SLCO1A2: variants seen among roughly 807,000 people sequenced by gnomAD.
SLCO1A2 encodes OATP-1.
In SLCO1A2, 67 loss-of-function variants were observed where a neutral mutation model predicts 69.0. The observed-to-expected ratio is 0.97, with a 90% CI of 0.80 to 1.19. The LOEUF (loss-of-function observed/expected upper bound fraction) is 1.19. Among genes scored for constraint, SLCO1A2 ranks in the 50% most tolerant of loss-of-function variants. The pLI is 0.00. For missense variants in SLCO1A2, 787 were observed against 793.7 expected, an observed-to-expected ratio of 0.99 and a Z score of 0.10; for synonymous variants, 260 against 265.9, an observed-to-expected ratio of 0.98 and a Z score of 0.22.
chr12:21,298,635 T>C (rs1948118639), intron 8 of SLCO1A2, among the ~76,000 whole-genome samples: 1 of 152,152 alleles, frequency 6.6e-6, no homozygotes, highest in African/African-American at 2.4e-5. Context: ...GAGAGAGTTA[T>C]CTGAAGATTT....
At chr12:21,333,586 C>T (rs150814055) in intron 2 of SLCO1A2, among the ~76,000 whole-genome samples, 73 of 152,188 alleles carry the variant, frequency 4.8e-4, no homozygotes, top group Middle Eastern at 3.4e-3. Flanking sequence ...TTAACATCCA[C>T]ATTAATATCT....
chr12:21,289,633 A>C (rs1200114335), intron 12 of SLCO1A2, among the ~76,000 whole-genome samples: 1 of 152,118 alleles, frequency 6.6e-6, no homozygotes, highest in Non-Finnish European at 1.5e-5. Flanking sequence ...GTCTTTTATA[A>C]TAACCTTCAT....
intron 2 of SLCO1A2, among the ~76,000 whole-genome samples, chr12:21,347,637 C>A (rs1293181205): frequency 2.7e-5 from 2 of 73,122 alleles, no homozygotes; most frequent in Admixed American, 1.6e-4. Context: ...AGAGCAATTC[C>A]AACTCTGGAA....
chr12:21,289,363 C>T (rs970678377), intron 12 of SLCO1A2, among the ~76,000 whole-genome samples: 2 of 152,032 alleles, frequency 1.3e-5, no homozygotes, highest in Non-Finnish European at 2.9e-5. Context: ...TTGATCACAC[C>T]TGAGTCTATA....
chr12:21,284,740 C>T (rs1945441529), intron 12 of SLCO1A2, among the ~76,000 whole-genome samples: 1 of 120,960 alleles, frequency 8.3e-6, no homozygotes, highest in Non-Finnish European at 1.7e-5. Context: ...ACTGAACAAC[C>T]TGCTCCTGAA....
At chr12:21,299,405 T>A (rs2136405358) in intron 8 of SLCO1A2, among the ~76,000 whole-genome samples, 1 of 152,196 alleles carries the variant, frequency 6.6e-6, no homozygotes, top group African/African-American at 2.4e-5. Flanking sequence ...ACCCTTTCAT[T>A]TGCTGGAAAA....
intron 12 of SLCO1A2, among the ~76,000 whole-genome samples, chr12:21,284,719 A>G (rs1465617150): frequency 1.6e-5 from 2 of 128,868 alleles, no homozygotes; most frequent in African/African-American, 3.2e-5. Context: ...AAACCGCTCA[A>G]CTACATGGAA....
At chr12:21,393,498 T>C (rs1047977769) in intron 1 of SLCO1A2, among the ~76,000 whole-genome samples, 1 of 152,226 alleles carries the variant, frequency 6.6e-6, no homozygotes, top group Admixed American at 6.5e-5. Context: ...TCTGTTGCTC[T>C]GTCAAGATTT....
intron 1 of SLCO1A2, among the ~76,000 whole-genome samples, chr12:21,410,055 C>T (rs916503973): frequency 6.6e-6 from 1 of 152,054 alleles, no homozygotes; most frequent in African/African-American, 2.4e-5. Context: ...CCTTGGATCA[C>T]CCCCTTGTTC....
chr12:21,395,100 C>T, exon 1 of SLCO1A2: 1 of 158,156 alleles, frequency 6.3e-6, no homozygotes, highest in East Asian at 1.9e-4. Context: ...TCTGCATTTC[C>T]ATCTGAGGTA....
chr12:21,397,876 G>T (rs1591916675), upstream of SLCO1A2, among the ~76,000 whole-genome samples: 3 of 109,330 alleles, frequency 2.7e-5, no homozygotes, highest in East Asian at 7.1e-4. Context: ...TCAAAGCAGT[G>T]TGTAGAGGGA....
At position 21,362,108 on chromosome 12, in the gene SLCO1A2, T is replaced by G. The variant is rs923206948; in HGVS notation, c.-63+12291A>C. Among the ~76,000 whole-genome samples the G allele has an allele frequency of 2.6e-4, 40 of 151,930 alleles. 1 individual carries two copies. Among genetic ancestry groups the G allele is most frequent in the African/African-American group, 7.5e-4 (31 of 41,362 alleles). On this transcript the variant is annotated intron_variant, in intron 2 of 15. Transcript: ENST00000307378. ...CACATAATTGTCAGATTCACCAAAG[T>G]TGAAATGAAGGAAAAAATGTTAAGG...
In SLCO1A2 at chr12:21,269,199, T is replaced by TTAAA. The variant is rs1942372733; in HGVS notation, c.*345_*348dup. Reference sequence around the variant, plus strand: ...ATATCAAAGAACAAATTTAGTGGAATTAAATAGGTTTTCATAACAGAAAAT... The same window carrying TTAAA: ...ATATCAAAGAACAAATTTAGTGGAATTAAATAAATAGGTTTTCATAACAGAAAAT... On this transcript the variant is annotated 3_prime_UTR_variant, in exon 15 of 15. Coordinates refer to ENST00000683939, the MANE Select transcript of SLCO1A2 (RefSeq NM_001386879.1). The TTAAA allele has an allele frequency of 6.2e-6, 1 of 161,284 alleles. No individual in the cohort carries two copies. The highest frequency in any genetic ancestry group is 2.4e-5 in the African/African-American group (1 of 41,758). The allele number at this position is 161,284 out of a possible 1,614,324, so 10.0% of individuals were successfully genotyped here.
chr12:21,405,419 C>T lies in SLCO1A2; in HGVS notation c.-312+12463G>A, dbSNP rs188260010. 6.6e-5 allele frequency among the ~76,000 whole-genome samples: 10 copies of T among 151,976 alleles called. No individual in the cohort carries two copies. In the East Asian group the frequency reaches 1.9e-3, roughly 29 times the overall value. ...TTTCACAGAATTTGAAAAAAAACTA[C>T]TTCAAAATTCATATGGAACCAAAAA... On this transcript the variant is annotated intron_variant, in intron 1 of 4. Coordinates refer to the SLCO1A2 transcript ENST00000413682.
chr12:21,293,927 T>G lies in SLCO1A2; in HGVS notation c.1437+18A>C. On this transcript the variant is annotated intron_variant, in intron 11 of 14. Coordinates refer to ENST00000683939, the MANE Select transcript of SLCO1A2 (RefSeq NM_001386879.1). ...ACCAATGCAACTCAAAAAAGTTCTGTCAAATAGGATGTCTTACCATGTTTA... is the reference window on the plus strand; with the variant it reads ...ACCAATGCAACTCAAAAAAGTTCTGGCAAATAGGATGTCTTACCATGTTTA... The G allele has an allele frequency of 6.3e-7, 1 of 1,591,682 alleles. No individual in the cohort carries two copies. The highest frequency in any genetic ancestry group is 8.5e-7 in the Non-Finnish European group (1 of 1,171,170).
At chr12:21,373,625 G>C in intron 2 of SLCO1A2, 2 of 700,090 alleles carry the variant, frequency 2.9e-6, no homozygotes, top group Non-Finnish European at 5.2e-6. Flanking sequence ...AAATATCTTT[G>C]ATGGAACTTC....
intron 1 of SLCO1A2, among the ~76,000 whole-genome samples, chr12:21,391,535 T>C (rs1231811027): frequency 2.0e-5 from 3 of 152,154 alleles, no homozygotes; most frequent in Non-Finnish European, 2.9e-5. Context: ...GATAATGTAC[T>C]GTTGTACTCC....
intron 2 of SLCO1A2, among the ~76,000 whole-genome samples, chr12:21,347,229 G>A (rs1289398811): frequency 6.6e-6 from 1 of 152,168 alleles, no homozygotes; most frequent in East Asian, 1.9e-4. Flanking sequence ...ACTATTTATA[G>A]GCTATGATGG....
intron 6 of SLCO1A2, among the ~76,000 whole-genome samples, chr12:21,302,881 G>A (rs540020304): frequency 3.3e-5 from 5 of 151,800 alleles, no homozygotes; most frequent in Non-Finnish European, 4.4e-5. Flanking sequence ...TAGTAGAGAC[G>A]GGGTTTCATC....
Sources: allele counts gnomAD v4.1 joint callset (sites outside exome capture counted in the v4.1 genomes callset), GRCh38; gene constraint gnomAD v4.1.1; transcripts MANE v1.5; gene names NCBI Gene and HGNC (gene_info 2026-07-23, HGNC 2026-07-21).